Variants in LRMDA observed in about 807,000 individuals in gnomAD.
LRMDA encodes leucine rich melanocyte differentiation associated, also known as leucine-rich melanocyte differentiation-associated protein.
In LRMDA, 18 loss-of-function variants were observed where a neutral mutation model predicts 29.8. The ratio of observed to expected loss-of-function variants is 0.60; its 90% CI spans 0.42 to 0.90. The LOEUF (loss-of-function observed/expected upper bound fraction) is 0.90. Ranked by LOEUF, LRMDA falls within the 40% of genes least tolerant of loss-of-function variation. The pLI is 0.00. For synonymous variants in LRMDA, 125 were observed against 109.4 expected (o/e 1.14, Z -0.89); for missense variants, 273 against 273.9 (o/e 1.00, Z 0.02).
At chr10:76,517,847 C>A (rs1342856422) in intron 6 of LRMDA, among the ~76,000 whole-genome samples, 1 of 150,798 alleles carries the variant, frequency 6.6e-6, no homozygotes, top group Non-Finnish European at 1.5e-5. Flanking sequence ...TTTTTTAGAT[C>A]AGCAATTTGT....
At chr10:75,899,868 G>A (rs1845642318) in intron 2 of LRMDA, among the ~76,000 whole-genome samples, 1 of 152,240 alleles carries the variant, frequency 6.6e-6, no homozygotes, top group African/African-American at 2.4e-5. Flanking sequence ...GGAGCACTCT[G>A]CAAATCCACA....
chr10:76,311,329 T>A (rs886106137), intron 5 of LRMDA, among the ~76,000 whole-genome samples: 1 of 102,900 alleles, frequency 9.7e-6, no homozygotes, highest in African/African-American at 2.9e-5. Context: ...TAAATGAAAT[T>A]TCCTGTGCTT....
chr10:76,101,960 T>A (rs1421211959), intron 5 of LRMDA, among the ~76,000 whole-genome samples: 1 of 152,208 alleles, frequency 6.6e-6, no homozygotes, highest in East Asian at 1.9e-4. Context: ...CATGGATTTA[T>A]CTATTTCTTA....
rs1026244860 is a variant in LRMDA, at chr10:76,039,734, G to A, written c.258+3600G>A. Among the ~76,000 whole-genome samples the A allele has an allele frequency of 5.9e-5, 9 of 152,252 alleles. No individual in the cohort carries two copies. In the East Asian group the frequency reaches 9.7e-4, roughly 16 times the overall value. On this transcript the variant is annotated intron_variant, in intron 3 of 6. Coordinates refer to ENST00000611255, the MANE Select transcript of LRMDA (RefSeq NM_001305581.2). ...AAGTGATTTAACATCTCTATGTTTT[G>A]GTTTCCTTTGAAAATGCAGACAATG...
At chr10:76,100,114 T>C (rs1022386772) in intron 5 of LRMDA, among the ~76,000 whole-genome samples, 1 of 152,218 alleles carries the variant, frequency 6.6e-6, no homozygotes, top group Non-Finnish European at 1.5e-5. Flanking sequence ...TGTTGTTAAG[T>C]ACATACACAT....
chr10:76,136,771 C>T (rs549129409), intron 5 of LRMDA, among the ~76,000 whole-genome samples: 54 of 151,952 alleles, frequency 3.6e-4, no homozygotes, highest in African/African-American at 1.2e-3. Flanking sequence ...TTTTAAAATC[C>T]GATACAGTCA....
At chr10:75,835,383 C>T (rs1353655985) in intron 2 of LRMDA, among the ~76,000 whole-genome samples, 1 of 152,172 alleles carries the variant, frequency 6.6e-6, no homozygotes, top group Non-Finnish European at 1.5e-5. Flanking sequence ...CTTATAAGTA[C>T]TATTGTGATG....
chr10:75,684,874 C>G (rs1842064225), intron 2 of LRMDA, among the ~76,000 whole-genome samples: 1 of 152,210 alleles, frequency 6.6e-6, no homozygotes, highest in Admixed American at 6.5e-5. Flanking sequence ...GCAGCTGCCT[C>G]TCATCCCACC....
chr10:75,999,261 A>T (rs1847521921), intron 2 of LRMDA, among the ~76,000 whole-genome samples: 2 of 152,194 alleles, frequency 1.3e-5, no homozygotes, highest in South Asian at 2.1e-4. Context: ...TGCGTGGCTC[A>T]TGTCCCTGGG....
intron 2 of LRMDA, among the ~76,000 whole-genome samples, chr10:75,813,630 T>C (rs940765007): frequency 6.6e-6 from 1 of 152,208 alleles, no homozygotes; most frequent in African/African-American, 2.4e-5. Context: ...ACAGGTCCAT[T>C]TGAGAAAGTG....
At chr10:76,536,148 G>A (rs999146181) in intron 6 of LRMDA, among the ~76,000 whole-genome samples, 1 of 151,950 alleles carries the variant, frequency 6.6e-6, no homozygotes, top group Non-Finnish European at 1.5e-5. Context: ...TCAATACTTC[G>A]GCATGGGTCT....
chr10:75,844,519 G>A (rs763829489), intron 2 of LRMDA, among the ~76,000 whole-genome samples: 1 of 152,084 alleles, frequency 6.6e-6, no homozygotes, highest in African/African-American at 2.4e-5. Flanking sequence ...TCTTTTACCC[G>A]GGCTCACTCC....
At chr10:76,240,193 C>A (rs1378400079) in intron 5 of LRMDA, among the ~76,000 whole-genome samples, 4 of 143,606 alleles carry the variant, frequency 2.8e-5, no homozygotes, top group African/African-American at 8.2e-5. Context: ...CACACACACA[C>A]CACACACACA....
At chr10:76,146,729 T>C (rs984379596) in intron 5 of LRMDA, among the ~76,000 whole-genome samples, 6 of 152,190 alleles carry the variant, frequency 3.9e-5, no homozygotes, top group Non-Finnish European at 7.3e-5. Context: ...CCTGTCATTA[T>C]GATGTTAGCT....
intron 6 of LRMDA, among the ~76,000 whole-genome samples, chr10:76,379,082 C>T (rs563513262): frequency 6.6e-6 from 1 of 151,962 alleles, no homozygotes; most frequent in East Asian, 1.9e-4. Context: ...GTCTCAGACT[C>T]CTGACCTCAG....
chr10:76,223,830 T>C (rs1315450720), intron 5 of LRMDA, among the ~76,000 whole-genome samples: 2 of 152,158 alleles, frequency 1.3e-5, no homozygotes, highest in African/African-American at 2.4e-5. Flanking sequence ...CTCTTCGTGG[T>C]CTTTTCTCTG....
At chr10:76,142,476 G>A (rs1346241861) in intron 5 of LRMDA, among the ~76,000 whole-genome samples, 5 of 150,902 alleles carry the variant, frequency 3.3e-5, no homozygotes, top group African/African-American at 1.2e-4. Context: ...GCTTAGTTTG[G>A]GGCTGTTTAA....
intron 6 of LRMDA, among the ~76,000 whole-genome samples, chr10:76,440,847 T>C (rs1394224809): frequency 6.6e-6 from 1 of 152,170 alleles, no homozygotes; most frequent in Non-Finnish European, 1.5e-5. Flanking sequence ...TATTCACATA[T>C]TTATTCCTGT....
chr10:75,520,506 G>C (rs1188322474), intron 2 of LRMDA, among the ~76,000 whole-genome samples: 1 of 152,128 alleles, frequency 6.6e-6, no homozygotes, highest in Non-Finnish European at 1.5e-5. Flanking sequence ...TGAAGTTCTT[G>C]TGCCATGGTT....
Sources: gnomAD v4.1 joint callset for allele counts (sites outside exome capture counted in the v4.1 genomes callset) on GRCh38, gnomAD v4.1.1 for gene constraint, MANE v1.5 for transcripts, NCBI Gene and HGNC (gene_info 2026-07-23, HGNC 2026-07-21) for gene names.